Variants in PXDN observed in about 807,000 individuals in gnomAD.
The protein encoded by PXDN is peroxidasin homolog.
In PXDN, 77 loss-of-function variants were observed where a neutral mutation model predicts 140.3. The ratio of observed to expected loss-of-function variants is 0.55; its 90% CI spans 0.46 to 0.66. PXDN has a LOEUF of 0.66. PXDN is among the 30% of genes least tolerant of loss of function. The probability of loss-of-function intolerance (pLI) is 0.00; values close to 1 mark genes in which losing one functional copy is unlikely to be tolerated. For synonymous variants in PXDN, 911 were observed against 857.4 expected, an observed-to-expected ratio of 1.06 and a Z score of -1.09; for missense variants, 1,838 against 2,039.5, an observed-to-expected ratio of 0.90 and a Z score of 1.90.
chr2:1,645,575 C>A (rs1286626338), intron 17 of PXDN, among the ~76,000 whole-genome samples: 1 of 152,224 alleles, frequency 6.6e-6, no homozygotes, highest in Non-Finnish European at 1.5e-5. Context: ...AGGGCTGTGT[C>A]CTCACTGGCC....
chr2:1,693,133 C>A lies in PXDN; in HGVS notation c.202G>T (p.Asp68Tyr). 1 of 1,550,616 alleles carries A rather than the reference C, an allele frequency of 6.4e-7. No individual in the cohort carries two copies. The highest frequency in any genetic ancestry group is 1.2e-5 in the South Asian group (1 of 83,292). Residue 68 changes from aspartate (D) to tyrosine (Y), a missense_variant and splice_region_variant, in exon 2 of 23, where the codon GAT becomes TAT. This residue lies in a region of PXDN where 231 missense variants were observed against 201.5 expected (regional missense o/e 1.15). Transcript: ENST00000252804. ...PAVAPQTSIL[D>Y]LRFNRIREIQ... is the part of the protein sequence containing the mutation. ...TCTCTGATTCTGTTAAAGCGAAGAT[C>A]TCTGTGAAGAAACAAGAAAGGTATT...
At chr2:1,675,621 G>T (rs1217749085) in intron 8 of PXDN, among the ~76,000 whole-genome samples, 1 of 152,126 alleles carries the variant, frequency 6.6e-6, no homozygotes, top group Non-Finnish European at 1.5e-5. Context: ...AACCTCCCAT[G>T]TCCTCTTCAG....
Position 1,714,305 on chromosome 2 carries a change from T to C in PXDN, c.201-21171A>G, listed in dbSNP as rs1205432282. Among the ~76,000 whole-genome samples the C allele has an allele frequency of 6.6e-6, 1 of 152,156 alleles. No homozygotes were observed. The highest frequency in any genetic ancestry group is 1.9e-4 in the East Asian group (1 of 5,176). On this transcript the variant is annotated intron_variant, in intron 1 of 22. Transcript: ENST00000252804. The surrounding 1 kb of genome is among the most constrained non-coding windows in gnomAD (Gnocchi z 4.3). ...CCTCCAAAACCCCAGGAGCCACTCT[T>C]GGGAAGGTTCCCCTGTCCCCCGATG...
At chr2:1,653,461 G>C in intron 16 of PXDN, 167 bp downstream of exon 16, 1 of 1,036,440 alleles carries the variant, frequency 9.6e-7, no homozygotes. Context: ...GAGCGACAGG[G>C]CTGTAGGGCT....
intron 1 of PXDN, among the ~76,000 whole-genome samples, chr2:1,727,008 T>G (rs1385803011): frequency 6.6e-6 from 1 of 152,182 alleles, no homozygotes; most frequent in African/African-American, 2.4e-5. Context: ...AAGTGTTGTC[T>G]CAAAAGGGAA....
intron 9 of PXDN, among the ~76,000 whole-genome samples, chr2:1,673,208 A>C (rs1345168578): frequency 2.0e-5 from 3 of 152,180 alleles, no homozygotes; most frequent in Non-Finnish European, 4.4e-5. Context: ...ACATGAAAAT[A>C]TTGGATAAAA....
intron 17 of PXDN, among the ~76,000 whole-genome samples, chr2:1,647,914 G>T (rs1315153698): frequency 6.6e-6 from 1 of 152,088 alleles, no homozygotes; most frequent in Non-Finnish European, 1.5e-5. Flanking sequence ...GCTCAGCAAA[G>T]CTCCTCTCTT....
At chr2:1,673,407 G>A (rs1341726221) in intron 9 of PXDN, among the ~76,000 whole-genome samples, 1 of 152,098 alleles carries the variant, frequency 6.6e-6, no homozygotes, top group Non-Finnish European at 1.5e-5. Flanking sequence ...GGACTGCCCC[G>A]GCTGTGTGGA....
At chr2:1,662,819 C>A (rs1448792268) in intron 12 of PXDN, among the ~76,000 whole-genome samples, 2 of 152,216 alleles carry the variant, frequency 1.3e-5, no homozygotes, top group East Asian at 3.9e-4. Flanking sequence ...TTCTAGAGGT[C>A]TGCACAGTCT....
intron 1 of PXDN, among the ~76,000 whole-genome samples, chr2:1,694,042 G>GT (rs1684243603): frequency 6.6e-6 from 1 of 152,174 alleles, no homozygotes; most frequent in Admixed American, 6.5e-5. Context: ...AATTGAACAG[G>GT]TATAGAAACC....
At chr2:1,680,121 G>GGTGTGTGTGTGGATGGT in intron 7 of PXDN, 72 bp downstream of exon 7, 4 of 1,439,314 alleles carry the variant, frequency 2.8e-6, no homozygotes, top group Admixed American at 2.1e-5. Flanking sequence ...GTGTGTAGAT[G>GGTGTGTGTGTGGATGGT]GTGTGTGTGT....
At chr2:1,744,162 A>G (rs1425983168) in intron 1 of PXDN, 94 bp downstream of exon 1, 1 of 638,676 alleles carries the variant, frequency 1.6e-6, no homozygotes, top group African/African-American at 3.4e-5. Flanking sequence ...TGCCCCCTCC[A>G]CCCTCCGCGC....
At chr2:1,734,201 G>T (rs1344455589) in intron 1 of PXDN, among the ~76,000 whole-genome samples, 1 of 152,164 alleles carries the variant, frequency 6.6e-6, no homozygotes, top group African/African-American at 2.4e-5. Context: ...TTATTCACAT[G>T]AATGTTTTGG....
At chr2:1,708,610 G>A (rs1201619227) in intron 1 of PXDN, among the ~76,000 whole-genome samples, 3 of 152,126 alleles carry the variant, frequency 2.0e-5, no homozygotes, top group Non-Finnish European at 4.4e-5. Context: ...ATGCAGTCAC[G>A]CACCCAGAAC....
intron 9 of PXDN, among the ~76,000 whole-genome samples, chr2:1,672,610 C>T (rs1396076387): frequency 6.6e-6 from 1 of 152,210 alleles, no homozygotes; most frequent in Admixed American, 6.5e-5. Context: ...TTCAGCAGTA[C>T]TATATCCTTG....
At chr2:1,702,325 C>T (rs531867636) in intron 1 of PXDN, among the ~76,000 whole-genome samples, 4 of 152,284 alleles carry the variant, frequency 2.6e-5, no homozygotes, top group Admixed American at 2.6e-4. Flanking sequence ...ACAGTGTCCC[C>T]TGTCACCGAG....
intron 1 of PXDN, among the ~76,000 whole-genome samples, chr2:1,743,804 C>T (rs1162447922): frequency 3.8e-5 from 5 of 130,922 alleles, no homozygotes; most frequent in African/African-American, 1.4e-4. Flanking sequence ...GGGGCTGCGC[C>T]GCGCTCGGGG....
intron 16 of PXDN, among the ~76,000 whole-genome samples, chr2:1,652,302 A>T (rs929860721): frequency 6.6e-6 from 1 of 152,128 alleles, no homozygotes; most frequent in African/African-American, 2.4e-5. Flanking sequence ...GCAAGAAATT[A>T]CACTTAGTAA....
rs1684844104 is a variant in PXDN at position 1,714,095 on chromosome 2, GA to G, written c.201-20962del. Among the ~76,000 whole-genome samples the G allele has an allele frequency of 2.0e-5, 3 of 152,182 alleles. 1 individual carries two copies. Among genetic ancestry groups the G allele is most frequent in the African/African-American group, 7.2e-5 (3 of 41,446 alleles). ...ATGGCCTTCGGATAAACAGCTTCAAGAAAGCGCATCCGTCACCTTTGGTGAC... is the reference window on the plus strand; with the variant it reads ...ATGGCCTTCGGATAAACAGCTTCAAGAAGCGCATCCGTCACCTTTGGTGAC... On this transcript the variant is annotated intron_variant, in intron 1 of 22. Coordinates refer to ENST00000252804, the MANE Select transcript of PXDN (RefSeq NM_012293.3). This position sits in a 1 kb window ranked among gnomAD's most constrained non-coding sequence, Gnocchi z 4.3.
Sources: gnomAD v4.1 joint callset for allele counts (sites outside exome capture counted in the v4.1 genomes callset) on GRCh38, gnomAD v4.1.1 for gene constraint, gnomAD v4.1.1 regional missense constraint, Gnocchi (gnomAD v3.1) non-coding constraint, MANE v1.5 for transcripts, NCBI Gene and HGNC (gene_info 2026-07-23, HGNC 2026-07-21) for gene names.